Variants in DMD observed in about 807,000 individuals in gnomAD.
DMD encodes dystrophin.
In DMD, 63 loss-of-function variants were observed where a neutral mutation model predicts 330.1. The ratio of observed to expected loss-of-function variants is 0.19; its 90% CI spans 0.16 to 0.24. The LOEUF (loss-of-function observed/expected upper bound fraction) is 0.24. Ranked by LOEUF, DMD falls within the 10% of genes least tolerant of loss-of-function variation. The pLI is 1.00. For synonymous variants in DMD, 1,223 were observed against 959.8 expected, an observed-to-expected ratio of 1.27 and a Z score of -5.07; for missense variants, 3,344 against 2,684.1, an observed-to-expected ratio of 1.25 and a Z score of -5.43.
chrX:31,715,468 G>A (rs2084972306), intron 52 of DMD, among the ~76,000 whole-genome samples: 1 of 102,386 alleles, frequency 9.8e-6, no homozygotes, highest in South Asian at 4.8e-4. Flanking sequence ...GCGTGAACCC[G>A]GGAGGCGGAG....
chrX:31,494,732 TG>T (rs1371749638), intron 57 of DMD, among the ~76,000 whole-genome samples: 2 of 112,146 alleles, frequency 1.8e-5, no homozygotes, highest in African/African-American at 6.5e-5. Flanking sequence ...AAATACTGGC[TG>T]GAAGAAACCA....
chrX:31,957,447 G>C (rs1349884581), intron 45 of DMD, among the ~76,000 whole-genome samples: 1 of 111,717 alleles, frequency 9.0e-6, no homozygotes, highest in African/African-American at 3.3e-5. Context: ...AGATATGCTT[G>C]TGTTTGTGTG....
chrX:32,859,483 A>G (rs1246304211), intron 2 of DMD, among the ~76,000 whole-genome samples: 2 of 92,608 alleles, frequency 2.2e-5, no homozygotes, highest in Non-Finnish European at 4.8e-5. Flanking sequence ...ACACACACAC[A>G]CACACACACA....
intron 59 of DMD, among the ~76,000 whole-genome samples, chrX:31,454,386 C>G (rs1214717803): frequency 8.9e-6 from 1 of 112,123 alleles, no homozygotes; most frequent in Non-Finnish European, 1.9e-5. Context: ...AGATGATCCA[C>G]CCGCCTCGGC....
chrX:32,468,043 T>C (rs2040228117), intron 23 of DMD, among the ~76,000 whole-genome samples: 1 of 110,102 alleles, frequency 9.1e-6, no homozygotes, highest in Non-Finnish European at 1.9e-5. Flanking sequence ...TTTTTATAAG[T>C]AGCAAAACAG....
intron 2 of DMD, among the ~76,000 whole-genome samples, chrX:32,991,263 CTT>C (rs1269140425): frequency 1.2e-5 from 1 of 85,905 alleles, no homozygotes; most frequent in African/African-American, 3.9e-5. Context: ...TTTGATTTCT[CTT>C]ATATTCAAAA....
chrX:31,821,466 A>G (rs770360326), intron 49 of DMD, among the ~76,000 whole-genome samples: 3 of 112,198 alleles, frequency 2.7e-5, no homozygotes, highest in Non-Finnish European at 5.6e-5. Flanking sequence ...ATCATTTTCA[A>G]TAGGATTTCA....
chrX:32,790,061 A>C (rs930523165), intron 7 of DMD, among the ~76,000 whole-genome samples: 1 of 111,832 alleles, frequency 8.9e-6, no homozygotes, highest in Non-Finnish European at 1.9e-5. Context: ...ATGATCCACT[A>C]ACTCCACACG....
At position 31,698,955 on chromosome X, in the gene DMD, TATA is replaced by T. The variant is rs772387025; in HGVS notation, c.7661-19372_7661-19370del. ...AACAAATGACTAAATTTTAAAATTTTATAATATTAGCCTAACATTTAAGGTTAG... is the reference window on the plus strand; with the variant it reads ...AACAAATGACTAAATTTTAAAATTTTATATTAGCCTAACATTTAAGGTTAG... On this transcript the variant is annotated intron_variant, in intron 52 of 78. Coordinates refer to ENST00000357033, the MANE Select transcript of DMD (RefSeq NM_004006.3). Among the ~76,000 whole-genome samples the T allele has an allele frequency of 2.0e-4, 22 of 112,062 alleles. 1 individual carries two copies. The Admixed American group carries it at 2.0e-3, about 10-fold the overall frequency.
Position 32,343,119 on chromosome X carries a change from C to T in DMD, c.5739+15G>A. ...TATAATAAAATCTGGTATTGACATT[C>T]TAAAACAACATTACCTTTATTTTCC... On this transcript the variant is annotated intron_variant, in intron 40 of 78. Coordinates refer to ENST00000357033, the MANE Select transcript of DMD (RefSeq NM_004006.3). 1 of 1,205,858 alleles carries T rather than the reference C, an allele frequency of 8.3e-7. No individual in the cohort carries two copies. The highest frequency in any genetic ancestry group is 1.1e-6 in the Non-Finnish European group (1 of 890,657).
intron 55 of DMD, among the ~76,000 whole-genome samples, chrX:31,515,247 T>C (rs1051164265): frequency 8.9e-6 from 1 of 111,769 alleles, no homozygotes; most frequent in Non-Finnish European, 1.9e-5. Context: ...GTGATACTAT[T>C]CTAGAACATC....
At chrX:31,774,735 T>C (rs1318675008) in intron 50 of DMD, among the ~76,000 whole-genome samples, 1 of 112,042 alleles carries the variant, frequency 8.9e-6, no homozygotes, top group Non-Finnish European at 1.9e-5. Flanking sequence ...TATTTTATAC[T>C]GGGAGCAGTT....
chrX:32,864,478 A>G (rs1603450537), intron 2 of DMD, among the ~76,000 whole-genome samples: 1 of 112,240 alleles, frequency 8.9e-6, no homozygotes, highest in South Asian at 3.6e-4. Context: ...AGTTTAATAT[A>G]TCTTTTCTTT....
At chrX:31,686,453 T>C (rs771428124) in intron 52 of DMD, among the ~76,000 whole-genome samples, 2 of 112,668 alleles carry the variant, frequency 1.8e-5, no homozygotes, top group East Asian at 2.8e-4. Context: ...CTTATGCTTA[T>C]GCTAATGATC....
intron 51 of DMD, among the ~76,000 whole-genome samples, chrX:31,750,110 T>C (rs2088372355): frequency 9.1e-6 from 1 of 110,414 alleles, no homozygotes; most frequent in African/African-American, 3.3e-5. Flanking sequence ...TTCACTCTGA[T>C]GGTAGTTTCT....
chrX:33,288,916 A>C (rs1455071874), intron 1 of DMD, among the ~76,000 whole-genome samples: 1 of 111,362 alleles, frequency 9.0e-6, no homozygotes, highest in Non-Finnish European at 1.9e-5. Flanking sequence ...AAAAGGGCTC[A>C]GTTACTATAG....
intron 1 of DMD, among the ~76,000 whole-genome samples, chrX:33,028,524 T>A (rs184302571): frequency 2.7e-5 from 3 of 111,971 alleles, no homozygotes; most frequent in African/African-American, 9.7e-5. Flanking sequence ...CTTATATACA[T>A]CTACCAGGTC....
intron 2 of DMD, among the ~76,000 whole-genome samples, chrX:32,973,809 C>T (rs1011432207): frequency 8.9e-6 from 1 of 111,741 alleles, no homozygotes; most frequent in Non-Finnish European, 1.9e-5. Flanking sequence ...GGATACCCTG[C>T]CAATATGTCT....
At chrX:32,949,257 C>T (rs1259198070) in intron 2 of DMD, among the ~76,000 whole-genome samples, 5 of 48,732 alleles carry the variant, frequency 1.0e-4, no homozygotes, top group Non-Finnish European at 1.8e-4. Flanking sequence ...TACATACACA[C>T]ACACACACAC....
Sources: allele counts gnomAD v4.1 joint callset (sites outside exome capture counted in the v4.1 genomes callset), GRCh38; gene constraint gnomAD v4.1.1; transcripts MANE v1.5; gene names NCBI Gene and HGNC (gene_info 2026-07-23, HGNC 2026-07-21).